Variants in KCNQ1 observed in about 807,000 individuals in gnomAD.
KCNQ1 encodes potassium voltage-gated channel subfamily Q member 1.
Under a neutral mutation model 72.4 loss-of-function variants are expected in KCNQ1, and 49 were observed. The ratio of observed to expected loss-of-function variants is 0.68; its 90% CI spans 0.54 to 0.86. The LOEUF (loss-of-function observed/expected upper bound fraction) is 0.86. Ranked by LOEUF, KCNQ1 falls within the 40% of genes least tolerant of loss-of-function variation. The pLI is 0.00. For synonymous variants in KCNQ1, 450 were observed against 412.6 expected (o/e 1.09, Z -1.10); for missense variants, 790 against 945.1 (o/e 0.84, Z 2.15).
intron 15 of KCNQ1, among the ~76,000 whole-genome samples, chr11:2,795,952 G>A (rs775637562): frequency 5.3e-5 from 8 of 152,232 alleles, no homozygotes; most frequent in South Asian, 4.1e-4. Flanking sequence ...AGGTGAGACC[G>A]GCCTTTGGCC....
rs1846939745 is a variant in KCNQ1, at chr11:2,497,341, T to G, written c.387-30587T>G. 6.6e-6 allele frequency among the ~76,000 whole-genome samples: 1 copy of G among 152,202 alleles called. No homozygotes were observed. Among genetic ancestry groups the G allele is most frequent in the African/African-American group, 2.4e-5 (1 of 41,468 alleles). On this transcript the variant is annotated intron_variant, in intron 1 of 15. Transcript: ENST00000155840. The surrounding 1 kb of genome is among the most constrained non-coding windows in gnomAD (Gnocchi z 4.5). ...TTTGGTCTTTTCATATAGTCCCATA[T>G]TTCTTGGAGGTTTTGTTCGTTCTTT...
chr11:2,468,723 G>A lies in KCNQ1; in HGVS notation c.386+23239G>A, dbSNP rs1846392745. Among the ~76,000 whole-genome samples, 1 of 152,206 alleles carries A rather than the reference G, an allele frequency of 6.6e-6. No individual in the cohort carries two copies. Among genetic ancestry groups the A allele is most frequent in the Admixed American group, 6.5e-5 (1 of 15,284 alleles). ...TTCTTTTATTCAGCGTCATGATTTT[G>A]AGCTGTGTGTCTGTTGTGTGTGTCG... On this transcript the variant is annotated intron_variant, in intron 1 of 15. Coordinates refer to ENST00000155840, the MANE Select transcript of KCNQ1 (RefSeq NM_000218.3). The surrounding 1 kb of genome is among the most constrained non-coding windows in gnomAD (Gnocchi z 5.7).
Position 2,847,864 on chromosome 11 carries a change from C to G in KCNQ1, c.1892C>G (p.Pro631Arg), listed in dbSNP as rs1432436411. The G allele has an allele frequency of 1.4e-5, 22 of 1,577,386 alleles. No homozygotes were observed. The highest frequency in any genetic ancestry group is 2.3e-5 in the East Asian group (1 of 42,790). Reference sequence around the variant, plus strand: ...AGCACCCCCGGCAGCGGCGGCCCCCCCAGAGAGGGCGGGGCCCACATCACC... The same window carrying G: ...AGCACCCCCGGCAGCGGCGGCCCCCGCAGAGAGGGCGGGGCCCACATCACC... The part of the protein sequence containing the change: ...GGSTPGSGGP[P>R]REGGAHITQP... Residue 631 changes from proline to arginine, a missense_variant, in exon 16 of 16, where the codon CCC (proline) becomes CGC (arginine). Around this residue, in one of 5 missense-constraint regions of KCNQ1, gnomAD observed 94 missense variants for 85.2 expected, o/e 1.10. Transcript: ENST00000155840.
chr11:2,675,650 T>C (rs1185516853), intron 11 of KCNQ1: 2 of 398,528 alleles, frequency 5.0e-6, no homozygotes, highest in Non-Finnish European at 4.4e-6. Flanking sequence ...TTGGGCTCTC[T>C]AGGAGCCCGC....
chr11:2,686,128 T>C, intron 11 of KCNQ1: 2 of 398,768 alleles, frequency 5.0e-6, no homozygotes, highest in Non-Finnish European at 8.8e-6. Flanking sequence ...TTGCCCTGTC[T>C]CGCCCCCTTG....
intron 15 of KCNQ1, among the ~76,000 whole-genome samples, chr11:2,838,674 T>C (rs1254858364): frequency 6.6e-6 from 1 of 152,086 alleles, no homozygotes; most frequent in East Asian, 1.9e-4. Context: ...AGGGCCGATG[T>C]GGGCAGACCT....
In KCNQ1 at chr11:2,647,991, A is replaced by C. The variant is rs952524538; in HGVS notation, c.1394-13970A>C. 3.7e-4 allele frequency: 146 copies of C among 397,412 alleles called. No individual in the cohort carries two copies. Among genetic ancestry groups the C allele is most frequent in the Middle Eastern group, 1.2e-3 (2 of 1,610 alleles). 24.6% of individuals were successfully genotyped at this position (397,412 alleles called of 1,614,324 possible). A position where few individuals can be genotyped will look rare whatever the true frequency, so the allele number is the denominator to read the frequency against. ...TACTTTGGAAGGCCAAGGCAGGCCGATCGCTTGAGTCCAGGAGTTTGAGAC... is the reference window on the plus strand; with the variant it reads ...TACTTTGGAAGGCCAAGGCAGGCCGCTCGCTTGAGTCCAGGAGTTTGAGAC... On this transcript the variant is annotated intron_variant, in intron 10 of 15. Transcript: ENST00000155840. This position sits in a 1 kb window ranked among gnomAD's most constrained non-coding sequence, Gnocchi z 4.0.
chr11:2,732,933 G>A (rs1845879127), intron 11 of KCNQ1, among the ~76,000 whole-genome samples: 1 of 152,080 alleles, frequency 6.6e-6, no homozygotes, highest in Non-Finnish European at 1.5e-5. Context: ...CCCTCTGGAG[G>A]CCCAGAAACT....
At chr11:2,552,554 T>C (rs1040812332) in intron 2 of KCNQ1, among the ~76,000 whole-genome samples, 8 of 152,188 alleles carry the variant, frequency 5.3e-5, no homozygotes, top group Non-Finnish European at 1.0e-4. Flanking sequence ...CACATTCTCA[T>C]GAATATCTTA....
At chr11:2,666,257 G>C (rs995421691) in intron 11 of KCNQ1, 4 of 398,558 alleles carry the variant, frequency 1.0e-5, no homozygotes, top group African/African-American at 8.2e-5. Flanking sequence ...GGGAGGACCA[G>C]GACCCCCGAG....
At chr11:2,524,731 G>T (rs1299945154) in intron 1 of KCNQ1, among the ~76,000 whole-genome samples, 1 of 152,194 alleles carries the variant, frequency 6.6e-6, no homozygotes, top group Non-Finnish European at 1.5e-5. Flanking sequence ...TTCCCTGCTG[G>T]ACGTCAGGTG....
At chr11:2,606,930 T>G (rs1848890942) in intron 10 of KCNQ1, among the ~76,000 whole-genome samples, 1 of 129,726 alleles carries the variant, frequency 7.7e-6, no homozygotes, top group African/African-American at 3.1e-5. Context: ...TGAGACAGAG[T>G]CTCGCTCTGT....
chr11:2,467,618 G>C (rs547008645), intron 1 of KCNQ1, among the ~76,000 whole-genome samples: 2 of 152,176 alleles, frequency 1.3e-5, no homozygotes, highest in Admixed American at 1.3e-4. Flanking sequence ...TGGCAAAGGC[G>C]TTGGGGTGCT....
intron 15 of KCNQ1, among the ~76,000 whole-genome samples, chr11:2,788,016 C>G (rs558331597): frequency 2.5e-4 from 38 of 152,272 alleles, no homozygotes; most frequent in African/African-American, 8.9e-4. Context: ...GTGAGTGTGG[C>G]TCCCCCAACG....
rs116980763 is a variant in KCNQ1 at position 2,675,496 on chromosome 11, T to C, written c.1514+13415T>C. 2.0e-3 allele frequency: 790 copies of C among 398,666 alleles called. 9 individuals carry two copies. The East Asian group carries it at 0.024, about 12-fold the overall frequency. The allele number at this position is 398,666 out of a possible 1,614,324, so 24.7% of individuals were successfully genotyped here. On this transcript the variant is annotated intron_variant, in intron 11 of 15. Transcript: ENST00000155840. The stretch of plus-strand genomic sequence containing the variant: ...AAAAACGTAAATATTTCATGAGACA[T>C]AGCAGTCACAACATGCCATACACAT...
rs542490513 is a variant in KCNQ1, at chr11:2,624,172, A to C, written c.1393+35318A>C. On this transcript the variant is annotated intron_variant, in intron 10 of 15. Transcript: ENST00000155840. The surrounding 1 kb of genome is among the most constrained non-coding windows in gnomAD (Gnocchi z 4.9). Reference sequence around the variant, plus strand: ...ATTTCCATTTCCCTAATGACGTAAGATGTGGGGCATCTTTTCATATACTTA... The same window carrying C: ...ATTTCCATTTCCCTAATGACGTAAGCTGTGGGGCATCTTTTCATATACTTA... 1.3e-5 allele frequency: 5 copies of C among 398,542 alleles called. No homozygotes were observed. Among genetic ancestry groups the C allele is most frequent in the African/African-American group, 1.0e-4 (5 of 48,726 alleles). The allele number at this position is 398,542 out of a possible 1,614,324, so 24.7% of individuals were successfully genotyped here.
chr11:2,500,427 G>A (rs1172379321), intron 1 of KCNQ1, among the ~76,000 whole-genome samples: 1 of 152,180 alleles, frequency 6.6e-6, no homozygotes, highest in African/African-American at 2.4e-5. Context: ...ACTGTTGGTG[G>A]GAGTGTAAAT....
At chr11:2,511,672 C>T (rs1847206862) in intron 1 of KCNQ1, among the ~76,000 whole-genome samples, 2 of 152,208 alleles carry the variant, frequency 1.3e-5, no homozygotes, top group Non-Finnish European at 2.9e-5. Flanking sequence ...AATTCAATGC[C>T]CCATGCCAGG....
rs1229680012 is a variant in KCNQ1 at position 2,668,468 on chromosome 11, C to T, written c.1514+6387C>T. 1.8e-5 allele frequency: 7 copies of T among 398,458 alleles called. No homozygotes were observed. Among genetic ancestry groups the T allele is most frequent in the Non-Finnish European group, 3.1e-5 (7 of 226,074 alleles). 24.7% of individuals were successfully genotyped at this position (398,458 alleles called of 1,614,324 possible). ...CATCCTAACACTTGGCATTTTCCGT[C>T]GTTTCCTTTTCAGCCATGATGGTGA... On this transcript the variant is annotated intron_variant, in intron 11 of 15. Coordinates refer to ENST00000155840, the MANE Select transcript of KCNQ1 (RefSeq NM_000218.3). This position sits in a 1 kb window ranked among gnomAD's most constrained non-coding sequence, Gnocchi z 4.3.
Sources: allele counts gnomAD v4.1 joint callset (sites outside exome capture counted in the v4.1 genomes callset), GRCh38; gene constraint gnomAD v4.1.1; regional missense constraint gnomAD v4.1.1; non-coding constraint Gnocchi (gnomAD v3.1); transcripts MANE v1.5; gene names NCBI Gene and HGNC (gene_info 2026-07-23, HGNC 2026-07-21).